The following SIPA1L2 variants were observed in gnomAD, a reference collection of about 807,000 sequenced individuals.
SIPA1L2 encodes the protein signal-induced proliferation-associated 1-like protein 2.
Under a neutral mutation model 163.9 loss-of-function variants are expected in SIPA1L2, and 56 were observed. The observed-to-expected ratio is 0.34, with a 90% CI of 0.28 to 0.43. The LOEUF is 0.43. SIPA1L2 is among the 20% of genes least tolerant of loss of function. The pLI is 1.00. For synonymous variants in SIPA1L2, 877 were observed against 865.7 expected (o/e 1.01, Z -0.23); for missense variants, 1,974 against 2,193.5 (o/e 0.90, Z 2.00).
intron 5 of SIPA1L2, among the ~76,000 whole-genome samples, chr1:232,485,741 T>C (rs542097309): frequency 6.6e-4 from 100 of 152,304 alleles, no homozygotes; most frequent in Admixed American, 1.8e-3. Context: ...CTTCCCATCA[T>C]GGACAACGAT....
chr1:232,572,105 A>C (rs12035738), intron 2 of SIPA1L2, among the ~76,000 whole-genome samples: 29,379 of 152,172 alleles, frequency 0.19, 3,133 homozygotes, highest in East Asian at 0.29. Context: ...CACCTGACTA[A>C]GGAAAATTCA....
intron 2 of SIPA1L2, among the ~76,000 whole-genome samples, chr1:232,561,823 AGG>A (rs1365614045): frequency 6.6e-6 from 1 of 152,218 alleles, no homozygotes; most frequent in Non-Finnish European, 1.5e-5. Flanking sequence ...ATGCAGGAGC[AGG>A]AGAGAGGGAT....
chr1:232,437,613 A>T (rs1662643749), intron 15 of SIPA1L2, among the ~76,000 whole-genome samples: 1 of 152,138 alleles, frequency 6.6e-6, no homozygotes, highest in Admixed American at 6.5e-5. Context: ...TGTATTTGCC[A>T]TTCCTCAGCT....
chr1:232,514,367 A>T lies in SIPA1L2; in HGVS notation c.973T>A (p.Cys325Ser). 1 of 1,613,680 alleles carries T rather than the reference A, an allele frequency of 6.2e-7. No individual in the cohort carries two copies. The highest frequency in any genetic ancestry group is 8.5e-7 in the Non-Finnish European group (1 of 1,180,028). ...RLERGIRPWN[C>S]QRCFAHYDVQ... ...TCATAATGTGCAAAACATCGCTGAC[A>T]ATTCCAAGGGCGAATGCCCCTCTCC... Residue 325 changes from cysteine to serine, a missense_variant, in exon 3 of 23, where the codon TGT (cysteine) becomes AGT (serine). Around this residue, in one of 3 missense-constraint regions of SIPA1L2, gnomAD observed 607 missense variants for 624.0 expected, o/e 0.97. Coordinates refer to ENST00000674635, the MANE Select transcript of SIPA1L2 (RefSeq NM_020808.5).
At chr1:232,399,733 A>G (rs542846770) in intron 22 of SIPA1L2, among the ~76,000 whole-genome samples, 1 of 152,314 alleles carries the variant, frequency 6.6e-6, no homozygotes, top group Admixed American at 6.5e-5. Context: ...ATATTTCCAT[A>G]ATGACCCTTA....
intron 15 of SIPA1L2, among the ~76,000 whole-genome samples, chr1:232,438,116 G>C (rs975144632): frequency 6.6e-6 from 1 of 152,160 alleles, no homozygotes; most frequent in African/African-American, 2.4e-5. Flanking sequence ...GCAGTGGTGG[G>C]GTGAGGGGGG....
chr1:232,412,077 AT>A (rs1254600694), intron 19 of SIPA1L2, among the ~76,000 whole-genome samples: 1 of 152,180 alleles, frequency 6.6e-6, no homozygotes, highest in East Asian at 1.9e-4. Context: ...AGTAGTCATG[AT>A]TTGACAGCTT....
At chr1:232,533,419 G>A (rs541937635) in intron 2 of SIPA1L2, among the ~76,000 whole-genome samples, 25 of 152,310 alleles carry the variant, frequency 1.6e-4, no homozygotes, top group Non-Finnish European at 2.6e-4. Context: ...TCCAAGTGCT[G>A]GATCCCAGGT....
chr1:232,439,130 T>C lies in SIPA1L2; in HGVS notation c.4009A>G (p.Ser1337Gly), dbSNP rs753861289. ...TACCTGGAATGAGAGGATATCTCAC[T>C]GAGATCGCCCATGCTGCCTTCCGCA... is the stretch of plus-strand genomic sequence containing the variant. ...SAAEGSMGDL[S>G]EISSHSSGSH... is the part of the protein sequence containing the mutation. The change falls in exon 15 of 23, where the codon AGT becomes GGT. Residue 1337 changes from serine to glycine, a missense_variant. Physicochemically the swap from Ser to Gly is moderately conservative, Grantham distance 56. This residue lies in a region of SIPA1L2 where 1,079 missense variants were observed against 1,150.7 expected (regional missense o/e 0.94). Transcript: ENST00000674635. 2.8e-5 allele frequency: 45 copies of C among 1,610,058 alleles called. No individual in the cohort carries two copies. The highest frequency in any genetic ancestry group is 3.8e-5 in the Non-Finnish European group (45 of 1,178,134).
chr1:232,571,682 G>A (rs1659736588), intron 2 of SIPA1L2, among the ~76,000 whole-genome samples: 2 of 152,150 alleles, frequency 1.3e-5, no homozygotes, highest in Admixed American at 1.3e-4. Flanking sequence ...GAATGGCTTA[G>A]CACCGTCCCC....
intron 1 of SIPA1L2, among the ~76,000 whole-genome samples, chr1:232,623,677 C>T (rs756960044): frequency 4.4e-4 from 67 of 152,068 alleles, no homozygotes; most frequent in Non-Finnish European, 7.9e-4. Context: ...AGAATAGCAT[C>T]GCCATTACAT....
chr1:232,532,626 ATTG>A (rs1231021249), intron 2 of SIPA1L2, among the ~76,000 whole-genome samples: 1 of 152,218 alleles, frequency 6.6e-6, no homozygotes, highest in Non-Finnish European at 1.5e-5. Flanking sequence ...AGCTTCCAGA[ATTG>A]TTTGTGTTTC....
At chr1:232,484,093 A>C (rs1333024488) in intron 5 of SIPA1L2, 127 bp from the exon 6 acceptor site, 2 of 854,104 alleles carry the variant, frequency 2.3e-6, no homozygotes, top group Non-Finnish European at 3.5e-6. Flanking sequence ...CCATAAGTGA[A>C]TAAGCAAAAG....
intron 1 of SIPA1L2, among the ~76,000 whole-genome samples, chr1:232,623,234 G>C (rs571577731): frequency 2.0e-5 from 3 of 152,340 alleles, no homozygotes; most frequent in African/African-American, 7.2e-5. Context: ...ACAGAGCTAG[G>C]CTGTCAATCT....
In SIPA1L2 at chr1:232,486,956, C is replaced by T. The variant is rs114298101; in HGVS notation, c.1807-2990G>A. ...GACCAAGGCTTCATTAAATCTCAAG[C>T]TAAGCCTAACATTTAAGTCTATTGC... On this transcript the variant is annotated intron_variant, in intron 5 of 22. Transcript: ENST00000674635. 3.3e-5 allele frequency among the ~76,000 whole-genome samples: 5 copies of T among 152,348 alleles called. No homozygotes were observed. In the East Asian group the frequency reaches 9.6e-4, roughly 29 times the overall value.
At chr1:232,568,242 T>A (rs1330070724) in intron 2 of SIPA1L2, among the ~76,000 whole-genome samples, 4 of 152,160 alleles carry the variant, frequency 2.6e-5, no homozygotes, top group Non-Finnish European at 5.9e-5. Context: ...GACTGGCACA[T>A]GAAGCAGCAG....
At chr1:232,517,357 C>G (rs1667262406) in intron 2 of SIPA1L2, among the ~76,000 whole-genome samples, 2 of 152,108 alleles carry the variant, frequency 1.3e-5, no homozygotes, top group South Asian at 4.1e-4. Context: ...AGACTAGAGG[C>G]ACAGTTAACA....
At chr1:232,615,464 C>T (rs1406463652) in intron 1 of SIPA1L2, among the ~76,000 whole-genome samples, 3 of 152,180 alleles carry the variant, frequency 2.0e-5, no homozygotes, top group Non-Finnish European at 4.4e-5. Flanking sequence ...TGAGATGGCC[C>T]CTGGACTCCA....
At chr1:232,598,906 T>A (rs1211075282) in intron 1 of SIPA1L2, among the ~76,000 whole-genome samples, 1 of 148,124 alleles carries the variant, frequency 6.8e-6, no homozygotes, top group East Asian at 2.0e-4. Flanking sequence ...AGGCCTCAGC[T>A]GCAGCTCAAC....
Sources: allele counts gnomAD v4.1 joint callset (sites outside exome capture counted in the v4.1 genomes callset), GRCh38; gene constraint gnomAD v4.1.1; regional missense constraint gnomAD v4.1.1; transcripts MANE v1.5; gene names NCBI Gene and HGNC (gene_info 2026-07-23, HGNC 2026-07-21).